The following POU6F2 variants were observed in gnomAD, a reference collection of about 807,000 sequenced individuals.
POU6F2 encodes the protein POU class 6 homeobox 2.
In POU6F2, 31 loss-of-function variants were observed where a neutral mutation model predicts 71.3. The ratio of observed to expected loss-of-function variants is 0.43; its 90% CI spans 0.33 to 0.59. POU6F2 has a LOEUF of 0.59. Ranked by LOEUF, POU6F2 falls within the 20% of genes least tolerant of loss-of-function variation. POU6F2 has a pLI of 0.04. For missense variants in POU6F2, 783 were observed against 856.8 expected (o/e 0.91, Z 1.07); for synonymous variants, 347 against 355.7 (o/e 0.98, Z 0.27).
At chr7:39,415,709 C>G (rs1787658407) in intron 6 of POU6F2, among the ~76,000 whole-genome samples, 1 of 152,142 alleles carries the variant, frequency 6.6e-6, no homozygotes, top group South Asian at 2.1e-4. Flanking sequence ...TCCTTTGGGC[C>G]AAGTGACTTC....
intron 4 of POU6F2, among the ~76,000 whole-genome samples, chr7:39,246,064 A>T (rs929674223): frequency 6.6e-6 from 1 of 152,232 alleles, no homozygotes; most frequent in African/African-American, 2.4e-5. Flanking sequence ...AAGAAACAAG[A>T]CGTTAACCAA....
chr7:39,062,496 G>C (rs1479919919), intron 1 of POU6F2, among the ~76,000 whole-genome samples: 3 of 151,228 alleles, frequency 2.0e-5, no homozygotes, highest in Non-Finnish European at 4.4e-5. Flanking sequence ...AGAGTAGAAG[G>C]CAATTGCCCA....
intron 4 of POU6F2, among the ~76,000 whole-genome samples, chr7:39,236,131 G>A (rs987904270): frequency 2.6e-5 from 4 of 152,028 alleles, no homozygotes; most frequent in African/African-American, 9.7e-5. Context: ...TTCCTTTGAG[G>A]ACTCAAAGGT....
At chr7:39,162,545 C>T (rs1793018363) in intron 2 of POU6F2, among the ~76,000 whole-genome samples, 1 of 152,182 alleles carries the variant, frequency 6.6e-6, no homozygotes. Context: ...AGATAGTCTC[C>T]ATTTAGCAAG....
At chr7:39,440,884 T>A (rs944371370) in intron 7 of POU6F2, among the ~76,000 whole-genome samples, 1 of 152,084 alleles carries the variant, frequency 6.6e-6, no homozygotes. Flanking sequence ...GTTGTTGTTG[T>A]TGATGATGAT....
chr7:39,286,281 T>C (rs1004559699), intron 4 of POU6F2, among the ~76,000 whole-genome samples: 1 of 152,174 alleles, frequency 6.6e-6, no homozygotes, highest in South Asian at 2.1e-4. Flanking sequence ...CACAAAAGTA[T>C]TTCTGTAGCA....
intron 6 of POU6F2, among the ~76,000 whole-genome samples, chr7:39,413,582 A>T (rs981979473): frequency 6.6e-6 from 1 of 152,176 alleles, no homozygotes; most frequent in Non-Finnish European, 1.5e-5. Flanking sequence ...AAAAGCTTGT[A>T]TTGTCTCATT....
chr7:39,328,009 C>G (rs1381159769), intron 4 of POU6F2, among the ~76,000 whole-genome samples: 2 of 152,190 alleles, frequency 1.3e-5, no homozygotes, highest in East Asian at 3.9e-4. Context: ...CAACCTCCGT[C>G]TCCCAGGTTC....
chr7:39,157,343 C>T (rs1035813926), intron 2 of POU6F2, among the ~76,000 whole-genome samples: 6 of 151,958 alleles, frequency 3.9e-5, no homozygotes, highest in African/African-American at 1.5e-4. Context: ...TTATAAAGTC[C>T]CTTGTGGATC....
intron 2 of POU6F2, among the ~76,000 whole-genome samples, chr7:39,099,205 G>T (rs531872938): frequency 5.3e-5 from 8 of 152,302 alleles, no homozygotes; most frequent in Admixed American, 1.3e-4. Flanking sequence ...ATGTTGGAAG[G>T]TGTGATTCTT....
At chr7:39,249,748 A>G (rs910428337) in intron 4 of POU6F2, among the ~76,000 whole-genome samples, 2 of 152,208 alleles carry the variant, frequency 1.3e-5, no homozygotes, top group African/African-American at 2.4e-5. Context: ...GACTATTATA[A>G]GAGCTCTAAT....
intron 2 of POU6F2, among the ~76,000 whole-genome samples, chr7:39,195,548 G>A (rs1793770527): frequency 2.0e-5 from 3 of 151,996 alleles, no homozygotes; most frequent in Admixed American, 6.6e-5. Flanking sequence ...TGAGCCAAGC[G>A]TGCGGATTCA....
chr7:39,196,519 GA>G (rs1412127949), intron 2 of POU6F2, among the ~76,000 whole-genome samples: 1 of 152,164 alleles, frequency 6.6e-6, no homozygotes, highest in Non-Finnish European at 1.5e-5. Flanking sequence ...GCACTTTTGA[GA>G]GTCTGAGGCA....
chr7:39,211,879 A>C (rs1231363779), intron 4 of POU6F2, among the ~76,000 whole-genome samples: 1 of 152,092 alleles, frequency 6.6e-6, no homozygotes, highest in Non-Finnish European at 1.5e-5. Flanking sequence ...ACTGCATTGG[A>C]TGGCTTTTGG....
At chr7:39,444,588 A>C (rs761143370) in intron 7 of POU6F2, among the ~76,000 whole-genome samples, 19 of 152,258 alleles carry the variant, frequency 1.2e-4, no homozygotes, top group Non-Finnish European at 1.9e-4. Flanking sequence ...TGTCTCAAAC[A>C]AACAAACAAC....
At chr7:38,991,676 A>T (rs1183679096) in intron 1 of POU6F2, among the ~76,000 whole-genome samples, 3 of 152,144 alleles carry the variant, frequency 2.0e-5, no homozygotes, top group Non-Finnish European at 4.4e-5. Flanking sequence ...TTATCTGGAC[A>T]ATTCCTTCCA....
In POU6F2 at chr7:39,433,191, G is replaced by A; in HGVS notation, c.1228G>A (p.Gly410Ser). The change falls in exon 7 of 10, where the codon GGC becomes AGC. Residue 410 changes from glycine to serine, a missense_variant. This residue lies in a region of POU6F2 where 572 missense variants were observed against 572.9 expected (regional missense o/e 1.00). Coordinates refer to ENST00000518318, the MANE Select transcript of POU6F2 (RefSeq NM_001370959.1). ...ITPQLLTNAQ[G>S]QIIATVIGNQ... ...CCCCCAGCTCCTCACAAACGCCCAGGGCCAGATCATCGCCACAGTCATTGG... is the reference window on the plus strand; with the variant it reads ...CCCCCAGCTCCTCACAAACGCCCAGAGCCAGATCATCGCCACAGTCATTGG... 6.2e-7 allele frequency: 1 copy of A among 1,613,768 alleles called. No homozygotes were observed. The highest frequency in any genetic ancestry group is 8.5e-7 in the Non-Finnish European group (1 of 1,179,878).
chr7:39,053,813 A>T (rs537134585), intron 1 of POU6F2, among the ~76,000 whole-genome samples: 19 of 152,090 alleles, frequency 1.2e-4, no homozygotes, highest in Admixed American at 2.6e-4. Context: ...ATGAAATTTA[A>T]AAAAAAAGAC....
At chr7:39,012,857 C>A (rs1190213051) in intron 1 of POU6F2, among the ~76,000 whole-genome samples, 1 of 152,122 alleles carries the variant, frequency 6.6e-6, no homozygotes, top group South Asian at 2.1e-4. Flanking sequence ...GGTCAGGGAC[C>A]CACTTGAGGA....
Sources: allele counts gnomAD v4.1 joint callset (sites outside exome capture counted in the v4.1 genomes callset), GRCh38; gene constraint gnomAD v4.1.1; regional missense constraint gnomAD v4.1.1; transcripts MANE v1.5; gene names NCBI Gene and HGNC (gene_info 2026-07-23, HGNC 2026-07-21).